The following ODAD2 variants were observed in gnomAD, a reference collection of about 807,000 sequenced individuals.
ODAD2 encodes outer dynein arm-docking complex subunit 2.
In ODAD2, 89 loss-of-function variants were observed where a neutral mutation model predicts 106.8. The ratio of observed to expected loss-of-function variants is 0.83; its 90% CI spans 0.70 to 0.99. The LOEUF (loss-of-function observed/expected upper bound fraction) is 0.99, where lower values mean the gene tolerates loss of function less well. Among genes scored for constraint, ODAD2 ranks in the 50% least tolerant of loss-of-function variants. The pLI is 0.00. For missense variants in ODAD2, 1,168 were observed against 1,238.5 expected (o/e 0.94, Z 0.85); for synonymous variants, 404 against 436.2 (o/e 0.93, Z 0.92).
At chr10:27,955,398 C>T (rs1588602323) in intron 10 of ODAD2, among the ~76,000 whole-genome samples, 1 of 152,056 alleles carries the variant, frequency 6.6e-6, no homozygotes, top group African/African-American at 2.4e-5. Context: ...TTCTGCAGGC[C>T]TCCTGGGTCC....
At chr10:27,867,478 G>A (rs1487008583) in intron 17 of ODAD2, among the ~76,000 whole-genome samples, 1 of 152,140 alleles carries the variant, frequency 6.6e-6, no homozygotes, top group Non-Finnish European at 1.5e-5. Flanking sequence ...GCAACGCAGA[G>A]ACACTGGGAT....
chr10:27,980,342 C>T (rs1301680332), intron 7 of ODAD2, among the ~76,000 whole-genome samples: 2 of 151,892 alleles, frequency 1.3e-5, no homozygotes, highest in South Asian at 2.1e-4. Flanking sequence ...AATTAGGCTT[C>T]GTCAAAATTA....
intron 10 of ODAD2, among the ~76,000 whole-genome samples, chr10:27,951,870 T>A (rs1000904730): frequency 2.6e-5 from 4 of 151,154 alleles, no homozygotes; most frequent in Non-Finnish European, 5.9e-5. Flanking sequence ...AGGTCAAGAG[T>A]TCGAGACCAG....
chr10:27,922,686 A>G (rs1194049738), intron 16 of ODAD2, among the ~76,000 whole-genome samples: 1 of 152,152 alleles, frequency 6.6e-6, no homozygotes, highest in East Asian at 1.9e-4. Context: ...TGGGTGGATC[A>G]TTTGAGGTCA....
chr10:27,934,084 G>T (rs937182137), intron 16 of ODAD2, among the ~76,000 whole-genome samples: 4 of 152,102 alleles, frequency 2.6e-5, no homozygotes, highest in African/African-American at 9.7e-5. Flanking sequence ...TTAAAAAGAA[G>T]TTTCCCTGCA....
intron 7 of ODAD2, among the ~76,000 whole-genome samples, chr10:27,976,340 ATATC>A (rs2133047309): frequency 6.6e-6 from 1 of 152,262 alleles, no homozygotes; most frequent in East Asian, 1.9e-4. Flanking sequence ...CTCACTAACA[ATATC>A]TACATAGAAA....
intron 17 of ODAD2, among the ~76,000 whole-genome samples, chr10:27,897,222 CCTT>C (rs1842917204): frequency 6.6e-6 from 1 of 152,040 alleles, no homozygotes; most frequent in African/African-American, 2.4e-5. Context: ...TCACTCCAGT[CCTT>C]CTCCCTTCCA....
In ODAD2 at chr10:27,936,839, G is replaced by A. The variant is rs767552721; in HGVS notation, c.2139C>T (p.His713=). 5.1e-5 allele frequency: 83 copies of A among 1,613,544 alleles called. No homozygotes were observed. Among genetic ancestry groups the A allele is most frequent in the Non-Finnish European group, 6.4e-5 (75 of 1,179,884 alleles). Residue 713 remains histidine (H), a synonymous_variant, in exon 15 of 20, where the codon CAC becomes CAT. Transcript: ENST00000305242. ...GACTGGCCAAGGGCTTAAGTCCTCC[G>A]TGCAGCCTAACGAGGTCCCGGGTTT... ...DKETRDLVRL[H]GGLKPLASLL... is the part of the protein sequence containing the mutation.
intron 14 of ODAD2, among the ~76,000 whole-genome samples, chr10:27,937,926 A>G (rs1293487646): frequency 3.9e-5 from 6 of 152,082 alleles, no homozygotes; most frequent in Non-Finnish European, 7.3e-5. Flanking sequence ...TGTCCCCTCA[A>G]AATTCATATA....
chr10:27,847,272 C>G (rs9733581), intron 19 of ODAD2, among the ~76,000 whole-genome samples: 82 of 152,118 alleles, frequency 5.4e-4, no homozygotes, highest in African/African-American at 1.9e-3. Flanking sequence ...GTTCAACATA[C>G]GCAAATCAAT....
chr10:27,940,342 G>T (rs1396017304), intron 13 of ODAD2, among the ~76,000 whole-genome samples: 1 of 151,722 alleles, frequency 6.6e-6, no homozygotes, highest in Non-Finnish European at 1.5e-5. Flanking sequence ...TTATATAAAT[G>T]TCAGTATATA....
At chr10:27,883,130 C>A (rs1841859774) in intron 17 of ODAD2, among the ~76,000 whole-genome samples, 2 of 151,882 alleles carry the variant, frequency 1.3e-5, no homozygotes, top group Non-Finnish European at 2.9e-5. Context: ...TAGTTTCTCA[C>A]CGCTGGCTGA....
intron 16 of ODAD2, among the ~76,000 whole-genome samples, chr10:27,918,645 T>C (rs1844560302): frequency 1.3e-5 from 2 of 151,866 alleles, no homozygotes; most frequent in African/African-American, 2.4e-5. Context: ...GTACAGAACA[T>C]ATATGTTTGC....
intron 8 of ODAD2, 101 bp from the exon 9 acceptor site, chr10:27,969,119 C>T: frequency 3.1e-6 from 2 of 644,406 alleles, no homozygotes; most frequent in South Asian, 3.7e-5. Flanking sequence ...TTTCCATGTG[C>T]TCAAATGATG....
chr10:27,814,746 T>C (rs1420508333), intron 19 of ODAD2, among the ~76,000 whole-genome samples: 2 of 152,226 alleles, frequency 1.3e-5, no homozygotes, highest in East Asian at 3.8e-4. Context: ...TGAATCATTC[T>C]CTTATCAGTT....
chr10:27,986,630 T>C (rs1370984274), intron 3 of ODAD2, among the ~76,000 whole-genome samples: 2 of 152,154 alleles, frequency 1.3e-5, no homozygotes, highest in African/African-American at 2.4e-5. Flanking sequence ...ATAGGCAGAA[T>C]TCAAATACCT....
intron 16 of ODAD2, among the ~76,000 whole-genome samples, chr10:27,913,037 C>T (rs7897553): frequency 0.57 from 86,197 of 151,964 alleles, 24,710 homozygotes; most frequent in Middle Eastern, 0.65. Flanking sequence ...AGGAGGATAG[C>T]CTATGCTTTC....
At chr10:27,919,846 G>A (rs956078542) in intron 16 of ODAD2, among the ~76,000 whole-genome samples, 1 of 152,136 alleles carries the variant, frequency 6.6e-6, no homozygotes, top group Non-Finnish European at 1.5e-5. Flanking sequence ...TTTCCTGGAT[G>A]AAGGACATGT....
At chr10:27,870,795 A>T (rs1346515577) in intron 17 of ODAD2, among the ~76,000 whole-genome samples, 1 of 152,214 alleles carries the variant, frequency 6.6e-6, no homozygotes, top group African/African-American at 2.4e-5. Context: ...TGCTATTGTG[A>T]ATAGTGCCAC....
Sources: gnomAD v4.1 joint callset for allele counts (sites outside exome capture counted in the v4.1 genomes callset) on GRCh38, gnomAD v4.1.1 for gene constraint, MANE v1.5 for transcripts, NCBI Gene and HGNC (gene_info 2026-07-23, HGNC 2026-07-21) for gene names.